Variants in IGSF9B observed in about 807,000 individuals in gnomAD.
IGSF9B encodes the protein protein turtle homolog B.
A neutral mutation model predicts 143.7 loss-of-function variants in IGSF9B; 48 were observed. The ratio of observed to expected loss-of-function variants is 0.33; its 90% CI spans 0.26 to 0.42. The LOEUF (loss-of-function observed/expected upper bound fraction) is 0.42, where lower values mean the gene tolerates loss of function less well. Among genes scored for constraint, IGSF9B ranks in the 20% least tolerant of loss-of-function variants. The probability of loss-of-function intolerance (pLI) is 1.00; values close to 1 mark genes in which losing one functional copy is unlikely to be tolerated. For missense variants in IGSF9B, 1,706 were observed against 1,980.0 expected, an observed-to-expected ratio of 0.86 and a Z score of 2.63; for synonymous variants, 903 against 833.1, an observed-to-expected ratio of 1.08 and a Z score of -1.44.
chr11:133,947,751 A>G (rs1382147113), intron 1 of IGSF9B, among the ~76,000 whole-genome samples: 1 of 78,486 alleles, frequency 1.3e-5, no homozygotes. Flanking sequence ...GCATCTCTGG[A>G]TCTCTGTTTG....
chr11:133,918,216 G>T (rs1198060543), intron 18 of IGSF9B, among the ~76,000 whole-genome samples: 2 of 147,146 alleles, frequency 1.4e-5, no homozygotes, highest in African/African-American at 4.9e-5. Flanking sequence ...AGCCCCGTCC[G>T]CCTGCCCGCC....
chr11:133,951,086 G>C (rs1729893745), intron 1 of IGSF9B, among the ~76,000 whole-genome samples: 1 of 152,160 alleles, frequency 6.6e-6, no homozygotes, highest in African/African-American at 2.4e-5. Flanking sequence ...GCAGACCCGG[G>C]GCTCTCACAA....
At position 133,919,956 on chromosome 11, in the gene IGSF9B, A is replaced by G; in HGVS notation, c.3769T>C (p.Ser1257Pro). The G allele has an allele frequency of 6.4e-7, 1 of 1,557,636 alleles. No homozygotes were observed. Among genetic ancestry groups the G allele is most frequent in the Non-Finnish European group, 8.7e-7 (1 of 1,151,062 alleles). ...FSRKSTPSTG[S>P]PSQSSRSGSP... is the part of the protein sequence containing the mutation. Reference sequence around the variant, plus strand: ...CCACTGCGGCTGCTCTGGGAGGGGGAGCCTGTGGACGGCGTAGACTTTCGA... The same window carrying G: ...CCACTGCGGCTGCTCTGGGAGGGGGGGCCTGTGGACGGCGTAGACTTTCGA... The change falls in exon 18 of 20, where the codon TCC (serine) becomes CCC (proline). Residue 1257 changes from serine (S) to proline (P), a missense_variant. This residue lies in a region of IGSF9B where 880 missense variants were observed against 762.9 expected (regional missense o/e 1.15). Transcript: ENST00000533871.
intron 12 of IGSF9B, among the ~76,000 whole-genome samples, chr11:133,927,556 C>T (rs1397062785): frequency 6.6e-6 from 1 of 152,224 alleles, no homozygotes; most frequent in Non-Finnish European, 1.5e-5. Context: ...CCACAGGGCT[C>T]ATTCATCCAA....
rs1939245824 is a variant in IGSF9B at position 133,908,481 on chromosome 11, C to T, written c.*588G>A. The T allele has an allele frequency of 1.3e-5, 2 of 151,928 alleles. No homozygotes were observed. Among genetic ancestry groups the T allele is most frequent in the Admixed American group, 1.3e-4 (2 of 15,250 alleles). 9.4% of individuals were successfully genotyped at this position (151,928 alleles called of 1,614,324 possible). On this transcript the variant is annotated 3_prime_UTR_variant, in exon 20 of 20. Transcript: ENST00000533871. The stretch of plus-strand genomic sequence containing the variant: ...AGACAGATGTCAGGCACCTGGCCAA[C>T]GTGCAGCCAGCCCTGCTCGCAAACC...
Position 133,928,436 on chromosome 11 carries a change from G to A in IGSF9B, c.1631+1235C>T, listed in dbSNP as rs1023320580. Among the ~76,000 whole-genome samples, 16 of 152,160 alleles carry A rather than the reference G, an allele frequency of 1.1e-4. No individual in the cohort carries two copies. Among genetic ancestry groups the A allele is most frequent in the African/African-American group, 3.6e-4 (15 of 41,442 alleles). ...GAACCACCATGATGGGAGACAGAGC[G>A]GGTGCCCCTCTCAACTTCCCTCGCT... On this transcript the variant is annotated intron_variant, in intron 12 of 19. Transcript: ENST00000533871. The surrounding 1 kb of genome is among the most constrained non-coding windows in gnomAD (Gnocchi z 4.7).
At chr11:133,950,193 C>T (rs982917566) in intron 1 of IGSF9B, among the ~76,000 whole-genome samples, 1 of 152,184 alleles carries the variant, frequency 6.6e-6, no homozygotes, top group Non-Finnish European at 1.5e-5. Flanking sequence ...ACTCACAACC[C>T]GGAGCTCCTC....
rs1214850883 is a variant in IGSF9B, at chr11:133,897,358, A to ACACACG, written c.*11705_*11710dup. ...CTCCCGCTCTCACTCTCTTGCGTGC[A>ACACACG]CACACGCACACGCACACACACGCAC... On this transcript the variant is annotated 3_prime_UTR_variant, in exon 20 of 20. Coordinates refer to ENST00000533871, the MANE Select transcript of IGSF9B (RefSeq NM_001277285.4). 1.3e-5 allele frequency: 2 copies of ACACACG among 151,214 alleles called. No homozygotes were observed. The highest frequency in any genetic ancestry group is 3.4e-3 in the Middle Eastern group (1 of 292). 9.4% of individuals were successfully genotyped at this position (151,214 alleles called of 1,614,324 possible).
rs1021875668 is a variant in IGSF9B at position 133,953,391 on chromosome 11, C to G, written c.64+3300G>C. ...CACAGGGCACAGGCTGCCAGACACA[C>G]TCCTGTCCCCAGCATGTGTGTGCTG... On this transcript the variant is annotated intron_variant, in intron 1 of 19. Coordinates refer to ENST00000533871, the MANE Select transcript of IGSF9B (RefSeq NM_001277285.4). The surrounding 1 kb of genome is among the most constrained non-coding windows in gnomAD (Gnocchi z 4.2). 2.6e-5 allele frequency among the ~76,000 whole-genome samples: 4 copies of G among 152,186 alleles called. No individual in the cohort carries two copies. Among genetic ancestry groups the G allele is most frequent in the African/African-American group, 9.7e-5 (4 of 41,440 alleles).
chr11:133,917,068 C>A (rs1038500463), intron 18 of IGSF9B, among the ~76,000 whole-genome samples: 1 of 152,094 alleles, frequency 6.6e-6, no homozygotes, highest in East Asian at 1.9e-4. Flanking sequence ...GATTTATAGC[C>A]CTGGTTAGGA....
intron 19 of IGSF9B, among the ~76,000 whole-genome samples, chr11:133,910,860 AT>A (rs1353176926): frequency 6.6e-6 from 1 of 152,168 alleles, no homozygotes; most frequent in African/African-American, 2.4e-5. Flanking sequence ...TGGGTTAACA[AT>A]GGGCTTAATT....
intron 3 of IGSF9B, among the ~76,000 whole-genome samples, chr11:133,942,161 C>T (rs1198633094): frequency 6.6e-6 from 1 of 152,038 alleles, no homozygotes; most frequent in Admixed American, 6.5e-5. Context: ...TTTTTTTCCT[C>T]TCGAGAAGGA....
At chr11:133,927,137 G>A (rs555579897) in intron 12 of IGSF9B, 46 bp from the exon 13 acceptor site, 3 of 1,472,840 alleles carry the variant, frequency 2.0e-6, no homozygotes, top group South Asian at 2.5e-5. Context: ...GGCGGGGTGG[G>A]TCACACTGGA....
At position 133,920,218 on chromosome 11, in the gene IGSF9B, C is replaced by T. The variant is rs1484523251; in HGVS notation, c.3507G>A (p.Arg1169=). 1 of 1,515,334 alleles carries T rather than the reference C, an allele frequency of 6.6e-7. No homozygotes were observed. The highest frequency in any genetic ancestry group is 8.8e-7 in the Non-Finnish European group (1 of 1,132,194). 93.9% of individuals were successfully genotyped at this position (1,515,334 alleles called of 1,614,324 possible). A position where few individuals can be genotyped will look rare whatever the true frequency, so the allele number is the denominator to read the frequency against. The change falls in exon 18 of 20, where the codon CGG becomes CGA. Residue 1169 remains arginine (R), a synonymous_variant. Coordinates refer to ENST00000533871, the MANE Select transcript of IGSF9B (RefSeq NM_001277285.4). Reference sequence around the variant, plus strand: ...GGGGCCGGGGCTGGGGCTCATACCACCGGGTGTCCAGGCCAAATGTGCTGG... The same window carrying T: ...GGGGCCGGGGCTGGGGCTCATACCATCGGGTGTCCAGGCCAAATGTGCTGG... The part of the protein sequence containing the change: ...GGPSTFGLDT[R]WYEPQPRPRP...
chr11:133,904,402 GA>G lies in IGSF9B; in HGVS notation c.*4666del, dbSNP rs1939182928. ...TGAAGTTGAAATACAATATAAAGAAGATGTCCATGTTTGGTTTGGGCACTTA... is the reference window on the plus strand; with the variant it reads ...TGAAGTTGAAATACAATATAAAGAAGTGTCCATGTTTGGTTTGGGCACTTA... On this transcript the variant is annotated 3_prime_UTR_variant, in exon 20 of 20. Transcript: ENST00000533871. Among the ~76,000 whole-genome samples, 1 of 152,190 alleles carries G rather than the reference GA, an allele frequency of 6.6e-6. No homozygotes were observed. The highest frequency in any genetic ancestry group is 2.4e-5 in the African/African-American group (1 of 41,436).
intron 11 of IGSF9B, among the ~76,000 whole-genome samples, 161 bp from the exon 12 acceptor site, chr11:133,929,943 G>A (rs1939693470): frequency 6.6e-6 from 1 of 152,158 alleles, no homozygotes; most frequent in Non-Finnish European, 1.5e-5. Flanking sequence ...CTCAGGCGCC[G>A]ACTCCCCTGA....
At chr11:133,919,684 G>GGCGGGTGGGGGAAGGAAGTTGCCCAGGT in intron 18 of IGSF9B, 58 bp downstream of exon 18, 1 of 1,134,468 alleles carries the variant, frequency 8.8e-7, no homozygotes, top group Non-Finnish European at 1.2e-6. Context: ...GGCAGGGCGA[G>GGCGGGTGGGGGAAGGAAGTTGCCCAGGT]GCGGGTGGGG....
At position 133,920,090 on chromosome 11, in the gene IGSF9B, C is replaced by A. The variant is rs749614349; in HGVS notation, c.3635G>T (p.Arg1212Leu). 20 of 1,524,390 alleles carry A rather than the reference C, an allele frequency of 1.3e-5. No individual in the cohort carries two copies. Among genetic ancestry groups the A allele is most frequent in the Non-Finnish European group, 1.7e-5 (19 of 1,136,754 alleles). 94.4% of individuals were successfully genotyped at this position (1,524,390 alleles called of 1,614,324 possible). A position where few individuals can be genotyped will look rare whatever the true frequency, so the allele number is the denominator to read the frequency against. Residue 1212 changes from arginine (R) to leucine (L), a missense_variant, in exon 18 of 20, where the codon CGC (arginine) becomes CTC (leucine). Physicochemically the swap from Arg to Leu is moderately radical, Grantham distance 102. Around this residue, in one of 7 missense-constraint regions of IGSF9B, gnomAD observed 880 missense variants for 762.9 expected, o/e 1.15. Transcript: ENST00000533871. ...SPLTQSPLSSRTGSPELAARA... is the reference protein window; with the variant it reads ...SPLTQSPLSSLTGSPELAARA... ...GGCGGCGAGCTCAGGGGAGCCGGTG[C>A]GGGAGCTGAGGGGGCTTTGGGTCAG...
intron 12 of IGSF9B, among the ~76,000 whole-genome samples, chr11:133,927,999 C>G (rs1368712915): frequency 6.6e-6 from 1 of 152,186 alleles, no homozygotes; most frequent in East Asian, 1.9e-4. Context: ...GAAAGGAGAC[C>G]TCCCCAACCT....
Sources: gnomAD v4.1 joint callset for allele counts (sites outside exome capture counted in the v4.1 genomes callset) on GRCh38, gnomAD v4.1.1 for gene constraint, gnomAD v4.1.1 regional missense constraint, Gnocchi (gnomAD v3.1) non-coding constraint, MANE v1.5 for transcripts, NCBI Gene and HGNC (gene_info 2026-07-23, HGNC 2026-07-21) for gene names.